Variants in EVI5 observed in about 807,000 individuals in gnomAD.
EVI5 encodes the protein ecotropic viral integration site 5 protein homolog.
A neutral mutation model predicts 112.0 loss-of-function variants in EVI5; 73 were observed. The ratio of observed to expected loss-of-function variants is 0.65; its 90% CI spans 0.54 to 0.79. The LOEUF is 0.79. EVI5 is among the 30% of genes least tolerant of loss of function. EVI5 has a pLI of 0.00. For synonymous variants in EVI5, 305 were observed against 319.9 expected, an observed-to-expected ratio of 0.95 and a Z score of 0.50; for missense variants, 900 against 968.8, an observed-to-expected ratio of 0.93 and a Z score of 0.94.
At chr1:92,624,689 CAAAAAAAA>C (rs141559165) in intron 15 of EVI5, among the ~76,000 whole-genome samples, 1 of 51,734 alleles carries the variant, frequency 1.9e-5, no homozygotes, top group South Asian at 1.1e-3. Context: ...GTCTCTACTT[CAAAAAAAA>C]AAAAAAAAAA....
At position 92,636,202 on chromosome 1, in the gene EVI5, C is replaced by G; in HGVS notation, c.1527G>C (p.Lys509Asn). 6.2e-7 allele frequency: 1 copy of G among 1,609,078 alleles called. No individual in the cohort carries two copies. The highest frequency in any genetic ancestry group is 8.5e-7 in the Non-Finnish European group (1 of 1,177,786). Residue 509 changes from lysine to asparagine, a missense_variant and splice_region_variant, in exon 14 of 20, where the codon AAG (lysine) becomes AAC (asparagine). Transcript: ENST00000684568. Reference sequence around the variant, plus strand: ...GACTGCATTTGTGTAGGTTTCTTACCTTCTCTATATCCAAGACTTTATCCT... The same window carrying G: ...GACTGCATTTGTGTAGGTTTCTTACGTTCTCTATATCCAAGACTTTATCCT... ...EMQDKVLDIEKRNNSLPDENN... is the reference protein window; with the variant it reads ...EMQDKVLDIENRNNSLPDENN...
rs188177697 is a variant in EVI5, at chr1:92,759,045, A to G, written c.-81-22418T>C. On this transcript the variant is annotated intron_variant, in intron 1 of 19. Transcript: ENST00000684568. ...TTGAGCTCAGACCAGCCTGGGCAAC[A>G]TGGTGAAACCCCATCTCTACCGAAA... 2.1e-3 allele frequency among the ~76,000 whole-genome samples: 324 copies of G among 152,286 alleles called. 5 individuals are homozygous for G. Among genetic ancestry groups the G allele is most frequent in the African/African-American group, 7.5e-3 (312 of 41,558 alleles).
chr1:92,523,877 G>A (rs1024205546), intron 19 of EVI5, among the ~76,000 whole-genome samples: 1 of 152,098 alleles, frequency 6.6e-6, no homozygotes, highest in Non-Finnish European at 1.5e-5. Context: ...CTTGAGGTCA[G>A]AAGTTCGAGA....
At chr1:92,583,978 T>C (rs1478064236) in intron 18 of EVI5, among the ~76,000 whole-genome samples, 1 of 152,294 alleles carries the variant, frequency 6.6e-6, no homozygotes, top group East Asian at 1.9e-4. Context: ...TCAAAATAAA[T>C]CTAAGGTTAT....
chr1:92,519,353 CAAG>C (rs1173038509), intron 19 of EVI5, among the ~76,000 whole-genome samples: 6 of 152,070 alleles, frequency 3.9e-5, no homozygotes. Flanking sequence ...AAGATTTCTT[CAAG>C]AAGATGAAAT....
At chr1:92,771,115 G>A (rs1393097028) in intron 1 of EVI5, among the ~76,000 whole-genome samples, 2 of 151,856 alleles carry the variant, frequency 1.3e-5, no homozygotes, top group Admixed American at 6.6e-5. Flanking sequence ...AGCGCCTGGC[G>A]AGAAGTCTGT....
chr1:92,515,108 T>C (rs1434081090), intron 19 of EVI5, among the ~76,000 whole-genome samples: 1 of 152,152 alleles, frequency 6.6e-6, no homozygotes. Flanking sequence ...GCCTCACTCA[T>C]CTCTTTTCCC....
At chr1:92,707,151 C>T (rs1418509998) in intron 2 of EVI5, among the ~76,000 whole-genome samples, 1 of 135,934 alleles carries the variant, frequency 7.4e-6, no homozygotes, top group Non-Finnish European at 1.5e-5. Flanking sequence ...TGCACTCCAG[C>T]CTGGGCAACA....
At chr1:92,595,071 AC>A in intron 18 of EVI5, among the ~76,000 whole-genome samples, 1 of 151,820 alleles carries the variant, frequency 6.6e-6, no homozygotes, top group Admixed American at 6.6e-5. Context: ...CTGGGTATAT[AC>A]CCAAAGGATT....
At chr1:92,760,285 C>T (rs1681612226) in intron 1 of EVI5, among the ~76,000 whole-genome samples, 1 of 152,104 alleles carries the variant, frequency 6.6e-6, no homozygotes, top group Admixed American at 6.6e-5. Context: ...TTACTGAGGT[C>T]AGGATTGCAG....
intron 13 of EVI5, among the ~76,000 whole-genome samples, chr1:92,639,575 A>G (rs1308329627): frequency 1.3e-5 from 2 of 152,204 alleles, no homozygotes; most frequent in Admixed American, 1.3e-4. Flanking sequence ...GCTTTTAACT[A>G]AGTTCAAGAT....
At chr1:92,605,466 A>G in intron 17 of EVI5, 64 bp from the exon 18 acceptor site, 2 of 1,090,052 alleles carry the variant, frequency 1.8e-6, no homozygotes, top group Non-Finnish European at 2.8e-6. Context: ...GATTTTAGAA[A>G]AGTAATAGGT....
intron 2 of EVI5, among the ~76,000 whole-genome samples, chr1:92,717,607 C>T (rs777654717): frequency 9.9e-5 from 15 of 152,134 alleles, no homozygotes; most frequent in Non-Finnish European, 2.1e-4. Context: ...ACTGTAAAGA[C>T]CATCGACACT....
chr1:92,592,333 T>C (rs1008480775), intron 18 of EVI5, among the ~76,000 whole-genome samples: 31 of 152,230 alleles, frequency 2.0e-4, no homozygotes, highest in African/African-American at 9.6e-5. Context: ...GGGTACATAA[T>C]GAAATGAAGG....
intron 19 of EVI5, among the ~76,000 whole-genome samples, chr1:92,541,630 G>A (rs1664816652): frequency 6.6e-6 from 1 of 152,014 alleles, no homozygotes; most frequent in South Asian, 2.1e-4. Flanking sequence ...TCAGACCAAT[G>A]AAAACATACG....
chr1:92,551,715 T>C (rs1367431085), intron 19 of EVI5, among the ~76,000 whole-genome samples: 1 of 152,186 alleles, frequency 6.6e-6, no homozygotes, highest in African/African-American at 2.4e-5. Flanking sequence ...TATGGTCTCT[T>C]CCTGGGAATG....
intron 10 of EVI5, among the ~76,000 whole-genome samples, chr1:92,675,910 C>T (rs1187849762): frequency 1.4e-5 from 2 of 148,130 alleles, no homozygotes; most frequent in South Asian, 4.2e-4. Context: ...GAGCCAAGAT[C>T]GCACCACTGC....
chr1:92,781,847 T>C (rs1342466347), intron 1 of EVI5, among the ~76,000 whole-genome samples: 1 of 146,416 alleles, frequency 6.8e-6, no homozygotes, highest in East Asian at 2.0e-4. Flanking sequence ...TCCAGCTACT[T>C]GGGGGTTAAG....
chr1:92,518,423 A>T (rs1432631423), intron 19 of EVI5, among the ~76,000 whole-genome samples: 5 of 152,158 alleles, frequency 3.3e-5, no homozygotes, highest in African/African-American at 1.2e-4. Flanking sequence ...CACTCTCTGT[A>T]ATTTTTAGTA....
Sources: allele counts gnomAD v4.1 joint callset (sites outside exome capture counted in the v4.1 genomes callset), GRCh38; gene constraint gnomAD v4.1.1; transcripts MANE v1.5; gene names NCBI Gene and HGNC (gene_info 2026-07-23, HGNC 2026-07-21).